The following DCLK1 variants were observed in gnomAD, a reference collection of about 807,000 sequenced individuals.
DCLK1 encodes the protein serine/threonine-protein kinase DCLK1.
A neutral mutation model predicts 86.2 loss-of-function variants in DCLK1; 16 were observed. The observed-to-expected ratio is 0.19, with a 90% CI of 0.13 to 0.28. DCLK1 has a LOEUF of 0.28. Ranked by LOEUF, DCLK1 falls within the 10% of genes least tolerant of loss-of-function variation. The pLI is 1.00. For missense variants in DCLK1, 590 were observed against 940.2 expected, an observed-to-expected ratio of 0.63 and a Z score of 4.87; for synonymous variants, 369 against 370.5, an observed-to-expected ratio of 1.00 and a Z score of 0.05.
intron 3 of DCLK1, among the ~76,000 whole-genome samples, chr13:35,997,027 C>T (rs923507547): frequency 1.3e-5 from 2 of 148,896 alleles, no homozygotes; most frequent in African/African-American, 4.9e-5. Context: ...ACAGTCTCCT[C>T]CTGCTAGAAA....
At chr13:35,849,285 T>G (rs1321523559) in intron 6 of DCLK1, 1 of 985,196 alleles carries the variant, frequency 1.0e-6, no homozygotes, top group Non-Finnish European at 1.2e-6. Context: ...CAATAACATT[T>G]AAAACAGCGT....
intron 4 of DCLK1, among the ~76,000 whole-genome samples, chr13:35,881,769 C>T (rs191660684): frequency 7.8e-4 from 119 of 152,182 alleles, no homozygotes; most frequent in Non-Finnish European, 1.1e-3. Context: ...CTTGAGCTGA[C>T]CATAAAACAA....
chr13:35,845,762 A>G (rs1216106906), intron 6 of DCLK1: 2 of 220,232 alleles, frequency 9.1e-6, no homozygotes, highest in Non-Finnish European at 1.5e-5. Flanking sequence ...AGTCTCTCAA[A>G]TATCACTCAT....
chr13:35,985,913 T>C (rs1383774604), intron 3 of DCLK1, among the ~76,000 whole-genome samples: 1 of 152,198 alleles, frequency 6.6e-6, no homozygotes, highest in East Asian at 1.9e-4. Context: ...CACAGCAGTA[T>C]TGATCCCCAG....
At chr13:35,871,710 A>T (rs1872284532) in intron 4 of DCLK1, among the ~76,000 whole-genome samples, 1 of 152,170 alleles carries the variant, frequency 6.6e-6, no homozygotes, top group African/African-American at 2.4e-5. Flanking sequence ...TTCCAAGGAA[A>T]ATGTTAGAAG....
Position 35,896,829 on chromosome 13 carries a change from A to T in DCLK1, c.824-25489T>A, listed in dbSNP as rs1055692940. Among the ~76,000 whole-genome samples, 5 of 152,148 alleles carry T rather than the reference A, an allele frequency of 3.3e-5. 1 individual carries two copies. The highest frequency in any genetic ancestry group is 3.3e-4 in the Admixed American group (5 of 15,276). ...AAGGTGCTAAGTATGCTGGGGTAGA[A>T]GACAGAGGTGTGTGGAGGGGGCTCT... On this transcript the variant is annotated intron_variant, in intron 4 of 16. Coordinates refer to ENST00000360631, the MANE Select transcript of DCLK1 (RefSeq NM_001330071.2).
At chr13:36,031,934 G>A (rs1415242575) in intron 3 of DCLK1, among the ~76,000 whole-genome samples, 3 of 152,134 alleles carry the variant, frequency 2.0e-5, no homozygotes, top group African/African-American at 7.2e-5. Flanking sequence ...GACTGGATGT[G>A]CAGCTCAACA....
chr13:35,810,498 T>A (rs2087120177), intron 12 of DCLK1, among the ~76,000 whole-genome samples: 1 of 152,222 alleles, frequency 6.6e-6, no homozygotes, highest in Non-Finnish European at 1.5e-5. Flanking sequence ...CACGGCAGTG[T>A]CTGTTTCTTT....
intron 3 of DCLK1, among the ~76,000 whole-genome samples, chr13:36,054,903 A>T (rs1883247670): frequency 6.6e-6 from 1 of 152,170 alleles, no homozygotes; most frequent in Admixed American, 6.5e-5. Flanking sequence ...ACTACATAAA[A>T]AGTAGTGCGG....
intron 2 of DCLK1, 144 bp from the exon 3 acceptor site, chr13:36,112,359 G>C: frequency 3.5e-6 from 2 of 575,858 alleles, no homozygotes; most frequent in Non-Finnish European, 5.7e-6. Flanking sequence ...TAATAATTAG[G>C]GAAAAAGAAA....
chr13:35,914,974 T>C (rs1030033483), intron 4 of DCLK1, among the ~76,000 whole-genome samples: 2 of 152,206 alleles, frequency 1.3e-5, no homozygotes, highest in African/African-American at 4.8e-5. Context: ...GGAATTGTTT[T>C]ATGAGGCAAT....
At chr13:36,095,752 G>A (rs1884994354) in intron 3 of DCLK1, among the ~76,000 whole-genome samples, 1 of 146,874 alleles carries the variant, frequency 6.8e-6, no homozygotes, top group South Asian at 2.2e-4. Flanking sequence ...TGAGGATATG[G>A]CCATAGCAGT....
chr13:35,896,360 G>A (rs1046062284), intron 4 of DCLK1, among the ~76,000 whole-genome samples: 7 of 151,964 alleles, frequency 4.6e-5, no homozygotes, highest in African/African-American at 1.4e-4. Context: ...CCAACATGGT[G>A]AAATCCTGTT....
intron 2 of DCLK1, among the ~76,000 whole-genome samples, chr13:36,115,274 G>A (rs9972026): frequency 0.22 from 32,915 of 151,998 alleles, 3,642 homozygotes; most frequent in African/African-American, 0.25. Flanking sequence ...CCCACACCCC[G>A]AAGTCTTTTG....
At chr13:35,983,289 CTT>C (rs1879752341) in intron 3 of DCLK1, among the ~76,000 whole-genome samples, 1 of 152,188 alleles carries the variant, frequency 6.6e-6, no homozygotes, top group Non-Finnish European at 1.5e-5. Context: ...ACCCAGAACT[CTT>C]CAGAAAATTC....
chr13:36,070,301 T>G (rs2153161171), intron 3 of DCLK1, among the ~76,000 whole-genome samples: 1 of 152,280 alleles, frequency 6.6e-6, no homozygotes, highest in Non-Finnish European at 1.5e-5. Context: ...GTTCTGAGAA[T>G]TACAAGCAAC....
intron 6 of DCLK1, among the ~76,000 whole-genome samples, chr13:35,845,002 C>A (rs1379626043): frequency 6.6e-6 from 1 of 152,186 alleles, no homozygotes; most frequent in Non-Finnish European, 1.5e-5. Flanking sequence ...AATCCCAGCA[C>A]TTTGGGAGGC....
At chr13:35,876,019 A>C (rs1031229922) in intron 4 of DCLK1, among the ~76,000 whole-genome samples, 2 of 152,148 alleles carry the variant, frequency 1.3e-5, no homozygotes, top group African/African-American at 4.8e-5. Context: ...GGAAATGTCT[A>C]TCGGTGTCCA....
At chr13:35,825,490 TGACA>T (rs2087499104) in intron 10 of DCLK1, among the ~76,000 whole-genome samples, 1 of 152,124 alleles carries the variant, frequency 6.6e-6, no homozygotes, top group Non-Finnish European at 1.5e-5. Flanking sequence ...AGCACACGAT[TGACA>T]GACTAAGATT....
Sources: allele counts gnomAD v4.1 joint callset (sites outside exome capture counted in the v4.1 genomes callset), GRCh38; gene constraint gnomAD v4.1.1; transcripts MANE v1.5; gene names NCBI Gene and HGNC (gene_info 2026-07-23, HGNC 2026-07-21).